The following ZNF680 variants were observed in gnomAD, a reference collection of about 807,000 sequenced individuals.
ZNF680 encodes the protein zinc finger protein 680.
ZNF680 carries 6 observed loss-of-function variants against 12.1 expected under a neutral mutation model. That is an observed-to-expected ratio of 0.49 (90% CI 0.27 to 0.98). ZNF680 has a LOEUF of 0.98. ZNF680 is among the 50% of genes least tolerant of loss of function. ZNF680 has a pLI of 0.12. For missense variants in ZNF680, 561 were observed against 616.3 expected (o/e 0.91, Z 0.95); for synonymous variants, 170 against 199.3 (o/e 0.85, Z 1.24).
rs1786658324 is a variant in ZNF680 at position 64,544,228 on chromosome 7, A to T, written c.157+78T>A. The T allele has an allele frequency of 3.9e-6, 6 of 1,527,336 alleles. No homozygotes were observed. The South Asian group carries it at 7.2e-5, about 18-fold the overall frequency. 94.6% of individuals were successfully genotyped at this position (1,527,336 alleles called of 1,614,324 possible). ...TGAAACTCATTTATGCAAAGCACAA[A>T]TTACCACAAGTTATGCAAAAAAAGA... On this transcript the variant is annotated intron_variant, in intron 2 of 3. Coordinates refer to ENST00000309683, the MANE Select transcript of ZNF680 (RefSeq NM_178558.5).
intron 3 of ZNF680, among the ~76,000 whole-genome samples, chr7:64,541,883 C>T (rs906803102): frequency 2.0e-5 from 3 of 152,192 alleles, no homozygotes; most frequent in Non-Finnish European, 4.4e-5. Flanking sequence ...GACTCAGTTC[C>T]AGCTCCCTGA....
intron 2 of ZNF680, 59 bp from the exon 3 acceptor site, chr7:64,543,861 C>A (rs1786637877): frequency 7.1e-7 from 1 of 1,410,848 alleles, no homozygotes; most frequent in South Asian, 1.2e-5. Context: ...TACCAAACTA[C>A]TAATGTGCTC....
At chr7:64,508,123 G>A in the ZNF680 span, among the ~76,000 whole-genome samples, 83 of 117,600 alleles carry the variant, frequency 7.1e-4, no homozygotes, top group African/African-American at 2.7e-3. Flanking sequence ...ATTTTAAAAT[G>A]TATATATATA....
chr7:64,543,094 G>A (rs1448546289), intron 3 of ZNF680, among the ~76,000 whole-genome samples: 2 of 152,138 alleles, frequency 1.3e-5, no homozygotes, highest in African/African-American at 2.4e-5. Flanking sequence ...TGGATTCAAT[G>A]AACTCCCTAT....
At chr7:64,562,821 A>T (rs1188780558) in intron 1 of ZNF680, 104 bp downstream of exon 1, 1 of 1,380,634 alleles carries the variant, frequency 7.2e-7, no homozygotes, top group African/African-American at 1.4e-5. Context: ...CGGGCCGCGG[A>T]TTTTGGAGCC....
At chr7:64,501,064 G>T in the ZNF680 span, 1 of 831,656 alleles carries the variant, frequency 1.2e-6, no homozygotes, top group Non-Finnish European at 2.0e-6. Context: ...CCAGGTTTTA[G>T]ATATTAACCT....
At chr7:64,533,715 G>T (rs1294430835) in intron 3 of ZNF680, among the ~76,000 whole-genome samples, 1 of 152,028 alleles carries the variant, frequency 6.6e-6, no homozygotes, top group Non-Finnish European at 1.5e-5. Context: ...GCCAAAGCAA[G>T]ACTAAGCAAA....
chr7:64,527,665 G>A (rs541072918), intron 3 of ZNF680, among the ~76,000 whole-genome samples: 52 of 151,906 alleles, frequency 3.4e-4, no homozygotes, highest in Non-Finnish European at 5.7e-4. Context: ...ATTGCACTCC[G>A]GCCTGAGCAA....
intron 3 of ZNF680, chr7:64,524,846 A>G (rs1296116953): frequency 6.6e-6 from 1 of 152,196 alleles, no homozygotes; most frequent in Non-Finnish European, 1.5e-5. Flanking sequence ...CCAAAATGAA[A>G]TGAGTATAGA....
At chr7:64,505,589 C>T in the ZNF680 span, among the ~76,000 whole-genome samples, 1 of 152,062 alleles carries the variant, frequency 6.6e-6, no homozygotes, top group East Asian at 1.9e-4. Context: ...TGTTGGTAGG[C>T]TATTGATGTT....
At chr7:64,500,959 T>C in the ZNF680 span, 2 of 655,302 alleles carry the variant, frequency 3.1e-6, no homozygotes, top group Non-Finnish European at 5.8e-6. Flanking sequence ...AAATTGTGGG[T>C]TGCTCAGTTC....
intron 3 of ZNF680, chr7:64,524,804 A>C (rs1791742878): frequency 1.3e-5 from 2 of 152,200 alleles, no homozygotes; most frequent in Non-Finnish European, 2.9e-5. Context: ...CAAATTATTT[A>C]AAACTAAATT....
chr7:64,502,839 A>G, the ZNF680 span, among the ~76,000 whole-genome samples: 2 of 152,206 alleles, frequency 1.3e-5, no homozygotes, highest in Admixed American at 6.5e-5. Context: ...GTTGTACACT[A>G]AAATTTCACA....
At chr7:64,554,309 C>T (rs190464226) in intron 1 of ZNF680, among the ~76,000 whole-genome samples, 10 of 151,404 alleles carry the variant, frequency 6.6e-5, no homozygotes, top group East Asian at 2.0e-4. Context: ...CGTCTCTGAC[C>T]GGCCACCCAG....
the ZNF680 span, chr7:64,500,948 A>C: frequency 1.5e-6 from 1 of 646,998 alleles, no homozygotes; most frequent in East Asian, 3.3e-5. Context: ...GATGTGCAGC[A>C]AAATTGTGGG....
intron 1 of ZNF680, among the ~76,000 whole-genome samples, chr7:64,561,805 G>A (rs1236102179): frequency 6.6e-6 from 1 of 151,484 alleles, no homozygotes; most frequent in Non-Finnish European, 1.5e-5. Context: ...CGTGGTGGCG[G>A]GCGCCTGTAG....
At chr7:64,510,841 C>T in the ZNF680 span, among the ~76,000 whole-genome samples, 2 of 108,814 alleles carry the variant, frequency 1.8e-5, no homozygotes, top group Non-Finnish European at 3.8e-5. Context: ...ACCCGGGAGG[C>T]GGAGCTTGCA....
chr7:64,527,450 G>A (rs1584356879), intron 3 of ZNF680, among the ~76,000 whole-genome samples: 5 of 151,712 alleles, frequency 3.3e-5, no homozygotes. Context: ...AATCCCAGCA[G>A]TTTGGGAGGC....
chr7:64,553,239 T>TTTA (rs1342460927), intron 1 of ZNF680, among the ~76,000 whole-genome samples: 7 of 152,212 alleles, frequency 4.6e-5, no homozygotes, highest in African/African-American at 1.7e-4. Flanking sequence ...AACTCCACTG[T>TTTA]TATATACTGA....
Sources: allele counts gnomAD v4.1 joint callset (sites outside exome capture counted in the v4.1 genomes callset), GRCh38; gene constraint gnomAD v4.1.1; transcripts MANE v1.5; gene names NCBI Gene and HGNC (gene_info 2026-07-23, HGNC 2026-07-21).